The following TTC28 variants were observed in gnomAD, a reference collection of about 807,000 sequenced individuals.
TTC28 encodes tetratricopeptide repeat domain 28.
Under a neutral mutation model 198.0 loss-of-function variants are expected in TTC28, and 61 were observed. That is an observed-to-expected ratio of 0.31 (90% CI 0.25 to 0.38). TTC28 has a LOEUF of 0.38. Ranked by LOEUF, TTC28 falls within the 10% of genes least tolerant of loss-of-function variation. The pLI is 1.00. For synonymous variants in TTC28, 1,171 were observed against 1,297.8 expected (o/e 0.90, Z 2.10); for missense variants, 2,678 against 3,164.0 (o/e 0.85, Z 3.69).
chr22:28,305,544 G>A lies in TTC28; in HGVS notation c.529+952C>T, dbSNP rs986566709. On this transcript the variant is annotated intron_variant, in intron 3 of 22. Transcript: ENST00000397906. ...CTATATTAAAAATATCTAAGGCTGC[G>A]AACATTTTCAAAACTAGATAAAATG... 1.1e-4 allele frequency among the ~76,000 whole-genome samples: 16 copies of A among 152,004 alleles called. No homozygotes were observed. The South Asian group carries it at 1.5e-3, about 14-fold the overall frequency.
intron 2 of TTC28, among the ~76,000 whole-genome samples, chr22:28,494,110 T>C (rs926325661): frequency 1.3e-5 from 2 of 152,204 alleles, no homozygotes; most frequent in Non-Finnish European, 2.9e-5. Flanking sequence ...GGTGCAGCCA[T>C]ATGGCCTTTG....
chr22:28,290,892 AC>A (rs1221433573), intron 5 of TTC28, among the ~76,000 whole-genome samples: 2 of 152,060 alleles, frequency 1.3e-5, no homozygotes, highest in Non-Finnish European at 2.9e-5. Flanking sequence ...AGCCTGAGTG[AC>A]CCTGTCTCAA....
intron 5 of TTC28, among the ~76,000 whole-genome samples, chr22:28,280,632 C>T (rs1326075286): frequency 6.6e-6 from 1 of 152,194 alleles, no homozygotes; most frequent in Non-Finnish European, 1.5e-5. Context: ...GCCACTGTGC[C>T]TGGCCAAGAA....
chr22:28,412,832 A>G (rs943111579), intron 2 of TTC28, among the ~76,000 whole-genome samples: 2 of 152,238 alleles, frequency 1.3e-5, no homozygotes, highest in African/African-American at 4.8e-5. Flanking sequence ...AATGTAAAAC[A>G]GTGGTAGGCA....
chr22:28,498,913 C>T (rs1400691711), intron 2 of TTC28, among the ~76,000 whole-genome samples: 10 of 152,272 alleles, frequency 6.6e-5, no homozygotes, highest in South Asian at 2.1e-4. Flanking sequence ...CAGTGGCTCA[C>T]GCCTGTAATC....
chr22:28,094,022 A>C, intron 12 of TTC28, 58 bp downstream of exon 12: 1 of 1,459,448 alleles, frequency 6.9e-7, no homozygotes, highest in East Asian at 2.5e-5. Context: ...GGATGTTTAC[A>C]AAAAATAATA....
At chr22:28,639,781 C>T (rs1287812406) in intron 1 of TTC28, among the ~76,000 whole-genome samples, 3 of 152,096 alleles carry the variant, frequency 2.0e-5, no homozygotes, top group Non-Finnish European at 2.9e-5. Context: ...TGCCCAGTTT[C>T]GGGTATGTCT....
chr22:28,151,624 A>C (rs538661173), intron 6 of TTC28, among the ~76,000 whole-genome samples: 1 of 152,238 alleles, frequency 6.6e-6, no homozygotes, highest in African/African-American at 2.4e-5. Context: ...GGCACAGCAC[A>C]GGATGCGCAT....
intron 2 of TTC28, among the ~76,000 whole-genome samples, chr22:28,357,890 G>A (rs982177009): frequency 9.2e-5 from 14 of 152,108 alleles, no homozygotes; most frequent in African/African-American, 1.9e-4. Flanking sequence ...CCGATTCGTC[G>A]ATTTAGCTGG....
intron 6 of TTC28, among the ~76,000 whole-genome samples, chr22:28,119,609 C>G (rs915247781): frequency 6.6e-6 from 1 of 152,052 alleles, no homozygotes; most frequent in Non-Finnish European, 1.5e-5. Context: ...TTTTGGTTGT[C>G]AAAATATCTG....
chr22:28,662,970 C>G (rs991445564), intron 1 of TTC28, among the ~76,000 whole-genome samples: 1 of 151,880 alleles, frequency 6.6e-6, no homozygotes, highest in South Asian at 2.1e-4. Flanking sequence ...AAACTTCCAC[C>G]GGGCGCGGTG....
intron 1 of TTC28, among the ~76,000 whole-genome samples, chr22:28,642,392 A>G (rs1254698164): frequency 6.6e-6 from 1 of 151,722 alleles, no homozygotes; most frequent in African/African-American, 2.4e-5. Flanking sequence ...CTAGAGATAA[A>G]CCCTGTGAAT....
At chr22:28,627,949 A>G (rs2146201539) in intron 2 of TTC28, among the ~76,000 whole-genome samples, 1 of 152,254 alleles carries the variant, frequency 6.6e-6, no homozygotes, top group South Asian at 2.1e-4. Context: ...CCTGTTGCCC[A>G]GGCCAGAGTG....
chr22:28,018,525 T>A (rs576071758), intron 13 of TTC28, among the ~76,000 whole-genome samples: 1 of 152,292 alleles, frequency 6.6e-6, no homozygotes, highest in Non-Finnish European at 1.5e-5. Flanking sequence ...CAGTCCTGCA[T>A]CTGCTGGGCC....
At chr22:28,658,495 G>A (rs940647346) in intron 1 of TTC28, among the ~76,000 whole-genome samples, 3 of 152,088 alleles carry the variant, frequency 2.0e-5, no homozygotes, top group Non-Finnish European at 4.4e-5. Context: ...CAAAATCATC[G>A]AGATGGAAAA....
chr22:28,502,939 A>T (rs965184066), intron 2 of TTC28, among the ~76,000 whole-genome samples: 2 of 152,154 alleles, frequency 1.3e-5, no homozygotes, highest in Non-Finnish European at 2.9e-5. Flanking sequence ...ACTACCTGAC[A>T]GATTTTTTCT....
At chr22:27,987,007 T>G (rs533025877) in intron 21 of TTC28, among the ~76,000 whole-genome samples, 26 of 152,322 alleles carry the variant, frequency 1.7e-4, no homozygotes, top group African/African-American at 5.8e-4. Context: ...TGACAGCCCA[T>G]GCTGGGTTGT....
chr22:28,654,655 C>T (rs892067300), intron 1 of TTC28, among the ~76,000 whole-genome samples: 4 of 152,286 alleles, frequency 2.6e-5, no homozygotes, highest in African/African-American at 9.6e-5. Flanking sequence ...ATGCCCACTC[C>T]TTTCTTTCCC....
At chr22:28,202,082 G>A (rs1335582166) in intron 5 of TTC28, among the ~76,000 whole-genome samples, 2 of 152,090 alleles carry the variant, frequency 1.3e-5, no homozygotes, top group African/African-American at 2.4e-5. Context: ...GCTCAGAGAG[G>A]TTTAGTAACT....
Sources: allele counts gnomAD v4.1 joint callset (sites outside exome capture counted in the v4.1 genomes callset), GRCh38; gene constraint gnomAD v4.1.1; transcripts MANE v1.5; gene names NCBI Gene and HGNC (gene_info 2026-07-23, HGNC 2026-07-21).